Variants in TAFA5 observed in about 807,000 individuals in gnomAD.
The protein encoded by TAFA5 is TAFA chemokine like family member 5.
In TAFA5, 6 loss-of-function variants were observed where a neutral mutation model predicts 15.3. The ratio of observed to expected loss-of-function variants is 0.39; its 90% CI spans 0.21 to 0.77. TAFA5 has a LOEUF of 0.77. Among genes scored for constraint, TAFA5 ranks in the 30% least tolerant of loss-of-function variants. The pLI, the probability that TAFA5 is intolerant of heterozygous loss-of-function variation, is 0.41. For missense variants in TAFA5, 161 were observed against 193.1 expected (o/e 0.83, Z 0.98); for synonymous variants, 103 against 80.7 (o/e 1.28, Z -1.48).
intron 1 of TAFA5, among the ~76,000 whole-genome samples, chr22:48,580,676 A>G (rs1209479812): frequency 6.6e-6 from 1 of 152,038 alleles, no homozygotes; most frequent in African/African-American, 2.4e-5. Context: ...TGGAAGGAGG[A>G]GGGAGTTCGG....
At chr22:48,605,078 A>G (rs1046906230) in intron 1 of TAFA5, among the ~76,000 whole-genome samples, 1 of 150,228 alleles carries the variant, frequency 6.7e-6, no homozygotes, top group Non-Finnish European at 1.5e-5. Context: ...TGTTGCTGCT[A>G]GTGATGGTGA....
chr22:48,628,748 T>A (rs1926110457), intron 1 of TAFA5, among the ~76,000 whole-genome samples: 1 of 152,180 alleles, frequency 6.6e-6, no homozygotes, highest in African/African-American at 2.4e-5. Flanking sequence ...GTAGGGTGTT[T>A]CTCCTTAAGA....
chr22:48,581,322 G>A (rs1464207492), intron 1 of TAFA5, among the ~76,000 whole-genome samples: 1 of 152,256 alleles, frequency 6.6e-6, no homozygotes, highest in Non-Finnish European at 1.5e-5. Flanking sequence ...CAGGCTGGCA[G>A]TGGACGGACG....
At chr22:48,511,135 G>A (rs1921194931) in intron 1 of TAFA5, among the ~76,000 whole-genome samples, 1 of 152,228 alleles carries the variant, frequency 6.6e-6, no homozygotes, top group Non-Finnish European at 1.5e-5. Context: ...CAGGAAGCAG[G>A]GACAGCCCTG....
Position 48,560,042 on chromosome 22 carries a change from C to T in TAFA5, c.112+70338C>T, listed in dbSNP as rs115950697. On this transcript the variant is annotated intron_variant, in intron 1 of 3. Coordinates refer to ENST00000402357, the MANE Select transcript of TAFA5 (RefSeq NM_001082967.3). This position sits in a 1 kb window ranked among gnomAD's most constrained non-coding sequence, Gnocchi z 4.2. ...CTGCAGGGTCTTCTTTCTATGCACA[C>T]GCCGGCCATCCTCCATCAGGCAGCT... 3.3e-5 allele frequency among the ~76,000 whole-genome samples: 5 copies of T among 152,144 alleles called. No individual in the cohort carries two copies. The highest frequency in any genetic ancestry group is 1.9e-4 in the East Asian group (1 of 5,198).
intron 1 of TAFA5, among the ~76,000 whole-genome samples, chr22:48,624,200 C>T (rs1461192385): frequency 6.6e-6 from 1 of 152,172 alleles, no homozygotes; most frequent in Non-Finnish European, 1.5e-5. Context: ...TGATTAGAAT[C>T]GGGCTGTGGG....
chr22:48,668,636 GT>G (rs1927699374), intron 2 of TAFA5, among the ~76,000 whole-genome samples: 1 of 82,274 alleles, frequency 1.2e-5, no homozygotes, highest in Admixed American at 1.2e-4. Flanking sequence ...CACTGGGAGT[GT>G]TAATCCCCCA....
chr22:48,697,459 G>GTGA (rs34870540), intron 2 of TAFA5, among the ~76,000 whole-genome samples: 56,470 of 151,580 alleles, frequency 0.37, 10,724 homozygotes, highest in South Asian at 0.55. Flanking sequence ...GATGGTGGTG[G>GTGA]TATTTATGAT....
intron 1 of TAFA5, among the ~76,000 whole-genome samples, chr22:48,558,108 T>C (rs893305732): frequency 6.6e-6 from 1 of 152,162 alleles, no homozygotes; most frequent in Non-Finnish European, 1.5e-5. Context: ...GGGAAGGTGA[T>C]GGGGACTCCC....
rs1056751963 is a variant in TAFA5, at chr22:48,598,188, T to C, written c.113-48409T>C. Among the ~76,000 whole-genome samples, 2 of 152,136 alleles carry C rather than the reference T, an allele frequency of 1.3e-5. No individual in the cohort carries two copies. The highest frequency in any genetic ancestry group is 4.8e-5 in the African/African-American group (2 of 41,430). On this transcript the variant is annotated intron_variant, in intron 1 of 3. Coordinates refer to ENST00000402357, the MANE Select transcript of TAFA5 (RefSeq NM_001082967.3). This position sits in a 1 kb window ranked among gnomAD's most constrained non-coding sequence, Gnocchi z 4.0. ...TTTTCTTGCTTGAGGAAGGTCCATCTTTGTCCATTGAGGCCTTCACCTGCT... is the reference window on the plus strand; with the variant it reads ...TTTTCTTGCTTGAGGAAGGTCCATCCTTGTCCATTGAGGCCTTCACCTGCT...
chr22:48,630,526 C>G (rs895535623), intron 1 of TAFA5, among the ~76,000 whole-genome samples: 1 of 152,186 alleles, frequency 6.6e-6, no homozygotes, highest in African/African-American at 2.4e-5. Flanking sequence ...TTTCCAGCCT[C>G]GCTCGGGCCC....
At chr22:48,501,554 G>T (rs1376977774) in intron 1 of TAFA5, among the ~76,000 whole-genome samples, 9 of 151,758 alleles carry the variant, frequency 5.9e-5, no homozygotes, top group Admixed American at 1.3e-4. Context: ...GTAGTCGGGG[G>T]TGCCCGGGGA....
chr22:48,748,601 G>A (rs1434258034), intron 3 of TAFA5, among the ~76,000 whole-genome samples: 7 of 152,218 alleles, frequency 4.6e-5, no homozygotes, highest in Non-Finnish European at 8.8e-5. Flanking sequence ...CTCAGGTCCT[G>A]TTGAGTGTGG....
chr22:48,648,518 C>T (rs896170038), intron 2 of TAFA5, among the ~76,000 whole-genome samples: 1 of 152,162 alleles, frequency 6.6e-6, no homozygotes, highest in East Asian at 1.9e-4. Flanking sequence ...GAGCACTCCA[C>T]AGAGGGAGGC....
Position 48,507,812 on chromosome 22 carries a change from C to A in TAFA5, c.112+18108C>A, listed in dbSNP as rs754744111. On this transcript the variant is annotated intron_variant, in intron 1 of 3. Transcript: ENST00000402357. The stretch of plus-strand genomic sequence containing the variant: ...GCCTGGGAGCTGTCGGGATGGACAG[C>A]GCCCCCTCCCCAAGGCCAGCGCTAG... Among the ~76,000 whole-genome samples, 4 of 152,112 alleles carry A rather than the reference C, an allele frequency of 2.6e-5. No individual in the cohort carries two copies. The East Asian group carries it at 7.7e-4, about 29-fold the overall frequency.
intron 1 of TAFA5, 59 bp from the exon 2 acceptor site, chr22:48,646,538 T>C (rs1926868931): frequency 1.9e-6 from 3 of 1,580,464 alleles, no homozygotes; most frequent in African/African-American, 2.7e-5. Context: ...CTGGGTGGGC[T>C]CTGGCTGTGG....
chr22:48,495,793 G>T (rs922766705), intron 1 of TAFA5, among the ~76,000 whole-genome samples: 2 of 152,092 alleles, frequency 1.3e-5, no homozygotes, highest in Non-Finnish European at 2.9e-5. Context: ...GGCTGCCTTC[G>T]ACCCTCCTCC....
intron 2 of TAFA5, among the ~76,000 whole-genome samples, chr22:48,696,885 C>T (rs1480222374): frequency 6.6e-6 from 1 of 152,222 alleles, no homozygotes; most frequent in Admixed American, 6.5e-5. Flanking sequence ...CCCTAGGATA[C>T]GAGGAGGGAG....
chr22:48,653,721 C>T (rs749880898), intron 2 of TAFA5, among the ~76,000 whole-genome samples: 8 of 152,148 alleles, frequency 5.3e-5, no homozygotes, highest in Non-Finnish European at 1.0e-4. Context: ...AGAGATGAGA[C>T]GGTTGGAGCC....
Sources: allele counts gnomAD v4.1 joint callset (sites outside exome capture counted in the v4.1 genomes callset), GRCh38; gene constraint gnomAD v4.1.1; non-coding constraint Gnocchi (gnomAD v3.1); transcripts MANE v1.5; gene names NCBI Gene and HGNC (gene_info 2026-07-23, HGNC 2026-07-21).